The following ERC2 variants were observed in gnomAD, a reference collection of about 807,000 sequenced individuals.
ERC2 encodes the protein ELKS/RAB6-interacting/CAST family member 2.
Under a neutral mutation model 114.8 loss-of-function variants are expected in ERC2, and 42 were observed. That is an observed-to-expected ratio of 0.37 (90% CI 0.29 to 0.47). ERC2 has a LOEUF of 0.47. Ranked by LOEUF, ERC2 falls within the 20% of genes least tolerant of loss-of-function variation. ERC2 has a pLI of 0.99. For missense variants in ERC2, 939 were observed against 1,150.7 expected, an observed-to-expected ratio of 0.82 and a Z score of 2.66; for synonymous variants, 454 against 425.5, an observed-to-expected ratio of 1.07 and a Z score of -0.82.
intron 5 of ERC2, among the ~76,000 whole-genome samples, chr3:56,147,592 T>C (rs1324638060): frequency 6.6e-6 from 1 of 152,214 alleles, no homozygotes; most frequent in African/African-American, 2.4e-5. Flanking sequence ...AAAAATCATT[T>C]ACACATTTTT....
intron 3 of ERC2, among the ~76,000 whole-genome samples, chr3:56,249,864 T>TC (rs1013090375): frequency 1.1e-4 from 16 of 146,212 alleles, no homozygotes; most frequent in Non-Finnish European, 9.0e-5. Flanking sequence ...TCTTTTTTTT[T>TC]TTTTTTTTTT....
chr3:56,449,907 T>C (rs937867824), intron 1 of ERC2, among the ~76,000 whole-genome samples: 5 of 152,244 alleles, frequency 3.3e-5, no homozygotes, highest in African/African-American at 7.2e-5. Flanking sequence ...AACTTAGCCC[T>C]GTCAGACACT....
intron 6 of ERC2, among the ~76,000 whole-genome samples, chr3:56,128,182 G>A (rs931675260): frequency 1.3e-5 from 2 of 152,154 alleles, no homozygotes; most frequent in Non-Finnish European, 2.9e-5. Context: ...CACTTACCCT[G>A]TTTATATGCT....
intron 14 of ERC2, among the ~76,000 whole-genome samples, chr3:55,840,868 T>C (rs893173539): frequency 6.6e-6 from 1 of 152,122 alleles, no homozygotes; most frequent in African/African-American, 2.4e-5. Flanking sequence ...ACATTGACGA[T>C]TCCATTTACG....
At chr3:56,437,826 T>C (rs1210660331) in intron 1 of ERC2, among the ~76,000 whole-genome samples, 1 of 152,192 alleles carries the variant, frequency 6.6e-6, no homozygotes, top group African/African-American at 2.4e-5. Context: ...TACATGAATA[T>C]TTAATAAGAC....
intron 2 of ERC2, among the ~76,000 whole-genome samples, chr3:56,393,776 G>C (rs964533992): frequency 3.9e-5 from 6 of 151,988 alleles, no homozygotes; most frequent in Non-Finnish European, 7.4e-5. Flanking sequence ...TCAAACATGA[G>C]CCAGCTGACT....
intron 6 of ERC2, among the ~76,000 whole-genome samples, chr3:56,126,754 GA>G: frequency 7.6e-6 from 1 of 131,916 alleles, no homozygotes; most frequent in Admixed American, 8.2e-5. Flanking sequence ...GATCTTGTAA[GA>G]AAAAAAAGAA....
intron 14 of ERC2, among the ~76,000 whole-genome samples, chr3:55,743,667 T>A (rs2066124275): frequency 6.6e-6 from 1 of 151,988 alleles, no homozygotes; most frequent in Non-Finnish European, 1.5e-5. Context: ...TATTATGATT[T>A]TTTAAAAAAC....
chr3:55,889,621 C>A (rs748917678), intron 13 of ERC2, among the ~76,000 whole-genome samples: 7 of 152,042 alleles, frequency 4.6e-5, no homozygotes, highest in Non-Finnish European at 7.4e-5. Context: ...CAAAGACTTC[C>A]GTGGAGCAAG....
rs762881229 is a variant in ERC2, at chr3:55,992,145, G to T, written c.2167C>A (p.Gln723Lys). 6.2e-7 allele frequency: 1 copy of T among 1,613,868 alleles called. No individual in the cohort carries two copies. The highest frequency in any genetic ancestry group is 8.5e-7 in the Non-Finnish European group (1 of 1,179,872). The stretch of plus-strand genomic sequence containing the variant: ...TCCAGCAACCGGTCCACTTCCGCTT[G>T]GGCCTTGCCACACTCGTCGCGGTAG... Reference protein sequence around the residue: ...SYYRDECGKAQAEVDRLLEIL... With the variant: ...SYYRDECGKAKAEVDRLLEIL... The change falls in exon 11 of 18, where the codon CAA (glutamine) becomes AAA (lysine). Residue 723 changes from glutamine to lysine, a missense_variant. Physicochemically the swap from Gln to Lys is moderately conservative, Grantham distance 53. Transcript: ENST00000288221.
At chr3:55,656,014 C>A (rs896692971) in intron 17 of ERC2, among the ~76,000 whole-genome samples, 32 of 152,310 alleles carry the variant, frequency 2.1e-4, no homozygotes, top group African/African-American at 7.5e-4. Flanking sequence ...AGCTGGGACT[C>A]CAGTTTAAAT....
intron 17 of ERC2, among the ~76,000 whole-genome samples, chr3:55,682,446 C>CATAGTAAACAT (rs1385793186): frequency 5.0e-4 from 76 of 152,128 alleles, no homozygotes; most frequent in African/African-American, 1.7e-3. Flanking sequence ...AGATGTCGTA[C>CATAGTAAACAT]CTGAAAACCA....
chr3:55,822,580 T>C (rs896938023), intron 14 of ERC2, among the ~76,000 whole-genome samples: 24 of 150,844 alleles, frequency 1.6e-4, no homozygotes, highest in African/African-American at 4.6e-4. Context: ...TTTTTTTTTT[T>C]TTGAGACGGA....
intron 2 of ERC2, among the ~76,000 whole-genome samples, chr3:56,371,277 C>G (rs1442382445): frequency 6.6e-6 from 1 of 152,206 alleles, no homozygotes; most frequent in Non-Finnish European, 1.5e-5. Context: ...GCCAGTTTCT[C>G]TATTCTGTGC....
At chr3:56,012,712 T>G (rs2149576426) in intron 8 of ERC2, among the ~76,000 whole-genome samples, 1 of 152,340 alleles carries the variant, frequency 6.6e-6, no homozygotes, top group Middle Eastern at 3.4e-3. Flanking sequence ...ATAATGTTTT[T>G]AAGTGTTATT....
intron 17 of ERC2, among the ~76,000 whole-genome samples, chr3:55,580,403 T>C (rs1188878589): frequency 6.6e-6 from 1 of 152,170 alleles, no homozygotes; most frequent in African/African-American, 2.4e-5. Context: ...CAGGAAACTC[T>C]GGAAGAAAAG....
At chr3:56,021,338 C>T (rs998465563) in intron 7 of ERC2, among the ~76,000 whole-genome samples, 4 of 150,048 alleles carry the variant, frequency 2.7e-5, no homozygotes, top group African/African-American at 9.8e-5. Context: ...TAGATTTCTG[C>T]TTGAATTTTC....
rs1156935875 is a variant in ERC2, at chr3:56,255,319, GTCCACAC to G, written c.1074+40693_1074+40699del. ...AACCCCCACCACGGACTCCAACAAG[GTCCACAC>G]ACTCTTGAGTCCTTCTCATCCCCAT... On this transcript the variant is annotated intron_variant, in intron 3 of 17. Coordinates refer to ENST00000288221, the MANE Select transcript of ERC2 (RefSeq NM_015576.3). Among the ~76,000 whole-genome samples the G allele has an allele frequency of 1.3e-4, 20 of 152,188 alleles. No homozygotes were observed. The South Asian group carries it at 3.5e-3, about 27-fold the overall frequency.
chr3:56,146,937 C>A (rs992344869), intron 5 of ERC2, among the ~76,000 whole-genome samples: 3 of 152,312 alleles, frequency 2.0e-5, no homozygotes, highest in Non-Finnish European at 4.4e-5. Flanking sequence ...GTCTCTCAGA[C>A]AAACGTGGGC....
Sources: gnomAD v4.1 joint callset for allele counts (sites outside exome capture counted in the v4.1 genomes callset) on GRCh38, gnomAD v4.1.1 for gene constraint, MANE v1.5 for transcripts, NCBI Gene and HGNC (gene_info 2026-07-23, HGNC 2026-07-21) for gene names.